The following NPAS4 variants were observed in gnomAD, a reference collection of about 807,000 sequenced individuals.
NPAS4 encodes neuronal PAS domain protein 4.
NPAS4 carries 10 observed loss-of-function variants against 64.0 expected under a neutral mutation model. That is an observed-to-expected ratio of 0.16 (90% CI 0.10 to 0.26). The LOEUF (loss-of-function observed/expected upper bound fraction) is 0.26. Ranked by LOEUF, NPAS4 falls within the 10% of genes least tolerant of loss-of-function variation. The pLI is 1.00. For missense variants in NPAS4, 886 were observed against 992.6 expected (o/e 0.89, Z 1.44); for synonymous variants, 441 against 411.7 (o/e 1.07, Z -0.86).
chr11:66,424,119 C>T lies in NPAS4; in HGVS notation c.1229C>T (p.Pro410Leu). 1 of 1,614,046 alleles carries T rather than the reference C, an allele frequency of 6.2e-7. No homozygotes were observed. The highest frequency in any genetic ancestry group is 8.5e-7 in the Non-Finnish European group (1 of 1,180,006). ...CTGACATTCCCTTCTGGGCCTGAGC[C>T]TTCTCTCCAAGCAGAACTAAGCAAG... Reference protein sequence around the residue: ...SYLTFPSGPEPSLQAELSKDL... With the variant: ...SYLTFPSGPELSLQAELSKDL... Residue 410 changes from proline to leucine, a missense_variant, in exon 7 of 8, where the codon CCT becomes CTT. Transcript: ENST00000311034.
the NPAS4 span, among the ~76,000 whole-genome samples, chr11:66,413,164 G>A: frequency 2.0e-5 from 3 of 152,178 alleles, no homozygotes; most frequent in Non-Finnish European, 4.4e-5. Context: ...CTGCAAACCT[G>A]TAACTGAGGA....
chr11:66,416,093 CTG>C (rs1183188207), upstream of NPAS4, among the ~76,000 whole-genome samples: 1 of 152,188 alleles, frequency 6.6e-6, no homozygotes, highest in African/African-American at 2.4e-5. Flanking sequence ...CAGAGCAAGA[CTG>C]TATATAAATA....
At chr11:66,418,714 G>C (rs1010555411), upstream of NPAS4, among the ~76,000 whole-genome samples, 2 of 151,984 alleles carry the variant, frequency 1.3e-5, no homozygotes, top group Non-Finnish European at 2.9e-5. Context: ...TTCACCCTTA[G>C]AGCCCAGAAA....
In NPAS4 at chr11:66,426,283, G is replaced by A. The variant is rs999306967; in HGVS notation, c.*294G>A. The stretch of plus-strand genomic sequence containing the variant: ...GAGAATGGGGGAGTCTCACTTCCCC[G>A]CCGCCTTGCCCCATTGGCCTGGGCC... On this transcript the variant is annotated 3_prime_UTR_variant, in exon 8 of 8. Coordinates refer to ENST00000311034, the MANE Select transcript of NPAS4 (RefSeq NM_178864.4). 4 of 364,448 alleles carry A rather than the reference G, an allele frequency of 1.1e-5. No homozygotes were observed. Among genetic ancestry groups the A allele is most frequent in the South Asian group, 6.5e-5 (2 of 30,738 alleles). 22.6% of individuals were successfully genotyped at this position (364,448 alleles called of 1,614,324 possible).
upstream of NPAS4, among the ~76,000 whole-genome samples, chr11:66,420,006 C>A (rs533153078): frequency 3.1e-3 from 476 of 152,292 alleles, 1 homozygote; most frequent in African/African-American, 0.011. Flanking sequence ...CCCCGCCCGC[C>A]GCAGCCGCGG....
upstream of NPAS4, among the ~76,000 whole-genome samples, chr11:66,417,407 C>T (rs537087420): frequency 1.3e-5 from 2 of 152,138 alleles, no homozygotes; most frequent in South Asian, 4.2e-4. Context: ...GATGGAAAAC[C>T]ACTTACTCCT....
chr11:66,421,994 A>G, intron 1 of NPAS4, 126 bp from the exon 2 acceptor site: 1 of 789,792 alleles, frequency 1.3e-6, no homozygotes. Flanking sequence ...GCGGGTCAAC[A>G]GGTGTTTGCA....
In NPAS4 at chr11:66,424,095, T is replaced by C; in HGVS notation, c.1205T>C (p.Leu402Pro). 6.2e-7 allele frequency: 1 copy of C among 1,614,100 alleles called. No individual in the cohort carries two copies. Among genetic ancestry groups the C allele is most frequent in the Non-Finnish European group, 8.5e-7 (1 of 1,180,012 alleles). ...TCCAAAGAACTGGACTTCAGTTACCTGACATTCCCTTCTGGGCCTGAGCCT... is the reference window on the plus strand; with the variant it reads ...TCCAAAGAACTGGACTTCAGTTACCCGACATTCCCTTCTGGGCCTGAGCCT... ...RPSKELDFSY[L>P]TFPSGPEPSL... The change falls in exon 7 of 8, where the codon CTG (leucine) becomes CCG (proline). Residue 402 changes from leucine to proline, a missense_variant. Leu to Pro is a moderately conservative substitution (Grantham distance 98). Coordinates refer to ENST00000311034, the MANE Select transcript of NPAS4 (RefSeq NM_178864.4).
chr11:66,421,423 G>T (rs1856739340), intron 1 of NPAS4, 69 bp downstream of exon 1: 2 of 1,450,182 alleles, frequency 1.4e-6, no homozygotes, highest in East Asian at 2.3e-5. Context: ...GAGGGAACCC[G>T]CTGGGGCTGT....
At position 66,421,037 on chromosome 11, in the gene NPAS4, G is replaced by C. The variant is rs1037841624; in HGVS notation, c.-143G>C. On this transcript the variant is annotated 5_prime_UTR_variant, in exon 1 of 8. Coordinates refer to ENST00000311034, the MANE Select transcript of NPAS4 (RefSeq NM_178864.4). The stretch of plus-strand genomic sequence containing the variant: ...AGGCGGCGTGAGGCAGGCGAGGGGG[G>C]CAGCGCAGCCGAGCGGAGCCCAGGA... The C allele has an allele frequency of 1.4e-6, 1 of 699,656 alleles. No homozygotes were observed. The highest frequency in any genetic ancestry group is 2.9e-5 in the Admixed American group (1 of 34,320). The allele number at this position is 699,656 out of a possible 1,614,324, so 43.3% of individuals were successfully genotyped here.
At position 66,421,101 on chromosome 11, in the gene NPAS4, G is replaced by C. The variant is rs929036042; in HGVS notation, c.-79G>C. The stretch of plus-strand genomic sequence containing the variant: ...GCCTGAGCGAGAGACGGGGAAGCAC[G>C]GAGGAGGAAGCCGCCGGTGCGTCGG... On this transcript the variant is annotated 5_prime_UTR_variant, in exon 1 of 8. Coordinates refer to ENST00000311034, the MANE Select transcript of NPAS4 (RefSeq NM_178864.4). 7 of 1,269,494 alleles carry C rather than the reference G, an allele frequency of 5.5e-6. No homozygotes were observed. The African/African-American group carries it at 8.9e-5, about 16-fold the overall frequency. The allele number at this position is 1,269,494 out of a possible 1,614,324, so 78.6% of individuals were successfully genotyped here.
At chr11:66,418,959 T>C (rs1466498942), upstream of NPAS4, among the ~76,000 whole-genome samples, 2 of 152,130 alleles carry the variant, frequency 1.3e-5, no homozygotes, top group African/African-American at 4.8e-5. Context: ...AGTAGACTCC[T>C]CTTATTGTGG....
At chr11:66,413,380 G>A in the NPAS4 span, among the ~76,000 whole-genome samples, 3 of 152,388 alleles carry the variant, frequency 2.0e-5, no homozygotes, top group South Asian at 4.1e-4. Flanking sequence ...AGAGAGGCAA[G>A]GGGGTGCATG....
chr11:66,417,776 C>G (rs1856687376), upstream of NPAS4, among the ~76,000 whole-genome samples: 1 of 151,162 alleles, frequency 6.6e-6, no homozygotes, highest in Non-Finnish European at 1.5e-5. Flanking sequence ...CACACAGGCA[C>G]AAACATAGAA....
intron 1 of NPAS4, 68 bp downstream of exon 1, chr11:66,421,422 C>T (rs1856739288): frequency 2.7e-6 from 4 of 1,461,118 alleles, no homozygotes; most frequent in Non-Finnish European, 3.8e-6. Flanking sequence ...TGAGGGAACC[C>T]GCTGGGGCTG....
intron 7 of NPAS4, 134 bp from the exon 8 acceptor site, chr11:66,425,827 G>T (rs576952199): frequency 4.3e-6 from 3 of 691,986 alleles, no homozygotes; most frequent in East Asian, 5.4e-5. Context: ...CTAATCTACT[G>T]AGCCTCTGGC....
Position 66,424,918 on chromosome 11 carries a change from G to A in NPAS4, c.2028G>A (p.Gly676=). The part of the protein sequence containing the change: ...EPLDSNLSLS[G]AGPPVLSLDL... ...TGGACTCCAACCTGTCCCTGTCAGG[G>A]GCAGGCCCCCCTGTGCTCAGCCTGG... Residue 676 remains glycine (G), a synonymous_variant, in exon 7 of 8, where the codon GGG becomes GGA. Coordinates refer to ENST00000311034, the MANE Select transcript of NPAS4 (RefSeq NM_178864.4). The A allele has an allele frequency of 1.2e-6, 2 of 1,613,986 alleles. No homozygotes were observed. The highest frequency in any genetic ancestry group is 1.1e-5 in the South Asian group (1 of 91,080).
Position 66,424,439 on chromosome 11 carries a change from G to C in NPAS4, c.1549G>C (p.Ala517Pro). The C allele has an allele frequency of 6.2e-7, 1 of 1,614,032 alleles. No homozygotes were observed. Among genetic ancestry groups the C allele is most frequent in the Non-Finnish European group, 8.5e-7 (1 of 1,179,966 alleles). ...CCCAGACCAGCTGCTTCCCAGCACA[G>C]CCACCTTCCCAGAGCCTCTGGGCAG... ...TFPDQLLPST[A>P]TFPEPLGSPA... Residue 517 changes from alanine (A) to proline (P), a missense_variant, in exon 7 of 8, where the codon GCC becomes CCC. This residue lies in a region of NPAS4 where 820 missense variants were observed against 855.5 expected (regional missense o/e 0.96). Coordinates refer to ENST00000311034, the MANE Select transcript of NPAS4 (RefSeq NM_178864.4).
rs762113835 is a variant in NPAS4 at position 66,421,339 on chromosome 11, G to A, written c.160G>A (p.Val54Ile). The change falls in exon 1 of 8, where the codon GTC becomes ATC. Residue 54 changes from valine to isoleucine, a missense_variant. Val to Ile is a conservative substitution (Grantham distance 29, BLOSUM62 3). Coordinates refer to ENST00000311034, the MANE Select transcript of NPAS4 (RefSeq NM_178864.4). ...CGCCTGCATCTACACTCGCAAGGGC[G>A]TCTTCTTCGCTGGTGGTGAGCATGC... is the stretch of plus-strand genomic sequence containing the variant. Reference protein sequence around the residue: ...SLACIYTRKGVFFAGGTPLAG... With the variant: ...SLACIYTRKGIFFAGGTPLAG... 1.2e-6 allele frequency: 2 copies of A among 1,614,040 alleles called. No homozygotes were observed. Among genetic ancestry groups the A allele is most frequent in the Non-Finnish European group, 1.7e-6 (2 of 1,179,896 alleles).
Sources: allele counts gnomAD v4.1 joint callset (sites outside exome capture counted in the v4.1 genomes callset), GRCh38; gene constraint gnomAD v4.1.1; regional missense constraint gnomAD v4.1.1; transcripts MANE v1.5; gene names NCBI Gene and HGNC (gene_info 2026-07-23, HGNC 2026-07-21).